The following APOLD1 variants were observed in gnomAD, a reference collection of about 807,000 sequenced individuals.
APOLD1 encodes apolipoprotein L domain-containing protein 1.
In APOLD1, 22 loss-of-function variants were observed where a neutral mutation model predicts 15.3. The ratio of observed to expected loss-of-function variants is 1.44; its 90% confidence interval spans 1.03 to 2.05. The LOEUF is 2.05. Ranked by LOEUF, APOLD1 falls within the 30% of genes most tolerant of loss-of-function variation. The probability of loss-of-function intolerance (pLI) is 0.00; values close to 1 mark genes in which losing one functional copy is unlikely to be tolerated. For missense variants in APOLD1, 394 were observed against 353.5 expected (o/e 1.11, Z -0.92); for synonymous variants, 190 against 167.4 (o/e 1.13, Z -1.04).
At chr12:12,783,533 G>A (rs1156424046), upstream of APOLD1, among the ~76,000 whole-genome samples, 3 of 151,552 alleles carry the variant, frequency 2.0e-5, no homozygotes, top group African/African-American at 7.3e-5. Context: ...GGCTGGTCTC[G>A]AACTCCTGAC....
rs150227608 is a variant in APOLD1 at position 12,742,222 on chromosome 12, A to C, written c.96+16126A>C. ...CAAAATTACGAGGTTGCTTTGGCAA[A>C]AAAAAAGGAACAATGGATATTACTT... On this transcript the variant is annotated intron_variant, in intron 1 of 1. Coordinates refer to the APOLD1 transcript ENST00000326765. Among the ~76,000 whole-genome samples the C allele has an allele frequency of 7.4e-4, 112 of 152,306 alleles. 2 individuals carry two copies. The East Asian group carries it at 0.019, about 26-fold the overall frequency.
Position 12,785,708 on chromosome 12 carries a change from C to A in APOLD1, c.3+14C>A. The A allele has an allele frequency of 6.2e-7, 1 of 1,611,320 alleles. No individual in the cohort carries two copies. The highest frequency in any genetic ancestry group is 8.5e-7 in the Non-Finnish European group (1 of 1,177,432). On this transcript the variant is annotated intron_variant, in intron 1 of 1. Transcript: ENST00000356591. Reference sequence around the variant, plus strand: ...CAGAAGTGAATGGTAAGTGGGGAACCCTGAGGCATATATTCGGGATGACTT... The same window carrying A: ...CAGAAGTGAATGGTAAGTGGGGAACACTGAGGCATATATTCGGGATGACTT...
chr12:12,764,474 C>T (rs1159312332), intron 1 of APOLD1, among the ~76,000 whole-genome samples: 1 of 152,180 alleles, frequency 6.6e-6, no homozygotes, highest in African/African-American at 2.4e-5. Flanking sequence ...GTGAAATGCA[C>T]ATGGTTGTAT....
chr12:12,781,882 T>A (rs1947084252), upstream of APOLD1, among the ~76,000 whole-genome samples: 1 of 152,092 alleles, frequency 6.6e-6, no homozygotes, highest in African/African-American at 2.4e-5. Flanking sequence ...AAATGGGTTG[T>A]TGATAACTGT....
At chr12:12,738,463 C>T (rs1946706867) in intron 1 of APOLD1, among the ~76,000 whole-genome samples, 1 of 152,112 alleles carries the variant, frequency 6.6e-6, no homozygotes, top group Admixed American at 6.5e-5. Flanking sequence ...AACTTAGCCT[C>T]CCAAATCATT....
Position 12,763,439 on chromosome 12 carries a change from T to C in APOLD1, c.97-23470T>C, listed in dbSNP as rs1005361622. On this transcript the variant is annotated intron_variant, in intron 1 of 1. Transcript: ENST00000326765. ...TGTATAACCTATGCACATCTTCCAA[T>C]ATATAGTTGGCTTTTGTTATCTGTG... 7.2e-5 allele frequency among the ~76,000 whole-genome samples: 11 copies of C among 152,182 alleles called. No individual in the cohort carries two copies. In the East Asian group the frequency reaches 1.7e-3, roughly 24 times the overall value.
chr12:12,729,228 G>T (rs1275325849), intron 1 of APOLD1, among the ~76,000 whole-genome samples: 3 of 147,374 alleles, frequency 2.0e-5, no homozygotes, highest in Non-Finnish European at 3.0e-5. Context: ...TAATTCTGTC[G>T]GCATTAAAAA....
chr12:12,784,444 T>C (rs1336729245), upstream of APOLD1, among the ~76,000 whole-genome samples: 2 of 152,176 alleles, frequency 1.3e-5, no homozygotes, highest in African/African-American at 4.8e-5. Context: ...TGAGGAGCTG[T>C]AACAAGAATA....
At chr12:12,776,178 TA>T (rs1168682161) in intron 1 of APOLD1, among the ~76,000 whole-genome samples, 1 of 152,112 alleles carries the variant, frequency 6.6e-6, no homozygotes, top group African/African-American at 2.4e-5. Context: ...TAAACAAAGT[TA>T]GAAAAGAAAA....
rs1481420098 is a variant in APOLD1 at position 12,761,765 on chromosome 12, C to A, written c.97-25144C>A. ...GAGAGGGTGCTGGAAGGGAACAGAA[C>A]TCACCCCCAAATGGTTTGAATGAAC... is the stretch of plus-strand genomic sequence containing the variant. On this transcript the variant is annotated intron_variant, in intron 1 of 1. Transcript: ENST00000326765. Among the ~76,000 whole-genome samples the A allele has an allele frequency of 3.3e-5, 5 of 150,166 alleles. No individual in the cohort carries two copies. The Admixed American group carries it at 3.3e-4, about 10-fold the overall frequency.
chr12:12,767,520 G>T (rs1414021926), intron 1 of APOLD1, among the ~76,000 whole-genome samples: 2 of 152,046 alleles, frequency 1.3e-5, no homozygotes, highest in African/African-American at 4.8e-5. Flanking sequence ...AATTAGATGG[G>T]TGTGGGGGCC....
chr12:12,790,881 A>C lies in APOLD1; in HGVS notation c.*3229A>C, dbSNP rs1947180542. On this transcript the variant is annotated 3_prime_UTR_variant, in exon 2 of 2. Transcript: ENST00000356591. Reference sequence around the variant, plus strand: ...AATAAGGCTTTTCCTTAAGGCCTTCATTCTTTAAACAAACAGGTTGAAATG... The same window carrying C: ...AATAAGGCTTTTCCTTAAGGCCTTCCTTCTTTAAACAAACAGGTTGAAATG... 6.6e-6 allele frequency: 1 copy of C among 152,210 alleles called. No homozygotes were observed. Among genetic ancestry groups the C allele is most frequent in the Admixed American group, 6.5e-5 (1 of 15,284 alleles). 9.4% of individuals were successfully genotyped at this position (152,210 alleles called of 1,614,324 possible).
upstream of APOLD1, among the ~76,000 whole-genome samples, chr12:12,785,246 G>C (rs907499351): frequency 2.0e-5 from 3 of 152,130 alleles, no homozygotes; most frequent in Non-Finnish European, 4.4e-5. Flanking sequence ...CAGATATGAG[G>C]GTTTTCCACC....
chr12:12,730,541 C>T (rs923509722), intron 1 of APOLD1, among the ~76,000 whole-genome samples: 6 of 151,552 alleles, frequency 4.0e-5, no homozygotes, highest in East Asian at 2.0e-4. Flanking sequence ...ATTAGCCGGG[C>T]GTGGTGGCAG....
chr12:12,750,330 C>G (rs1209926023), intron 1 of APOLD1, among the ~76,000 whole-genome samples: 1 of 127,124 alleles, frequency 7.9e-6, no homozygotes, highest in Non-Finnish European at 1.6e-5. Flanking sequence ...CAAGATCGGG[C>G]CATTGCATTT....
At chr12:12,783,252 C>T (rs1947098299), upstream of APOLD1, among the ~76,000 whole-genome samples, 1 of 152,084 alleles carries the variant, frequency 6.6e-6, no homozygotes, top group South Asian at 2.1e-4. Context: ...AATTGAATCG[C>T]TAAGTTCAAG....
At chr12:12,750,175 C>A (rs1462829973) in intron 1 of APOLD1, among the ~76,000 whole-genome samples, 4 of 152,038 alleles carry the variant, frequency 2.6e-5, no homozygotes, top group African/African-American at 9.7e-5. Context: ...GAGTTCGAGA[C>A]CGGCCTGACC....
At chr12:12,742,941 A>C (rs1182374850) in intron 1 of APOLD1, among the ~76,000 whole-genome samples, 1 of 152,124 alleles carries the variant, frequency 6.6e-6, no homozygotes, top group African/African-American at 2.4e-5. Context: ...TTTTTTGTAG[A>C]GATAAGGTTT....
upstream of APOLD1, among the ~76,000 whole-genome samples, chr12:12,783,620 GT>G (rs201487821): frequency 4.7e-5 from 6 of 127,420 alleles, no homozygotes; most frequent in East Asian, 2.2e-4. Context: ...GCCCCAGTTG[GT>G]TTTTTTTTGT....
Sources: allele counts gnomAD v4.1 joint callset (sites outside exome capture counted in the v4.1 genomes callset), GRCh38; gene constraint gnomAD v4.1.1; transcripts MANE v1.5; gene names NCBI Gene and HGNC (gene_info 2026-07-23, HGNC 2026-07-21).